The following CTNNA2 variants were observed in gnomAD, a reference collection of about 807,000 sequenced individuals.
CTNNA2 encodes the protein catenin alpha 2.
A neutral mutation model predicts 101.0 loss-of-function variants in CTNNA2; 42 were observed. The observed-to-expected ratio is 0.42, with a 90% confidence interval of 0.32 to 0.54. The LOEUF (loss-of-function observed/expected upper bound fraction) is 0.54, where lower values mean the gene tolerates loss of function less well. CTNNA2 is among the 20% of genes least tolerant of loss of function. CTNNA2 has a pLI of 0.14. For missense variants in CTNNA2, 871 were observed against 1,223.1 expected (o/e 0.71, Z 4.29); for synonymous variants, 450 against 456.4 (o/e 0.99, Z 0.18).
intron 7 of CTNNA2, among the ~76,000 whole-genome samples, chr2:80,020,044 G>A (rs1255235391): frequency 2.0e-5 from 3 of 152,126 alleles, no homozygotes; most frequent in Non-Finnish European, 2.9e-5. Context: ...TAGAGGCACT[G>A]CTCTCCATGC....
In CTNNA2 at chr2:80,393,813, T is replaced by C. The variant is rs529742737; in HGVS notation, c.1137+522T>C. On this transcript the variant is annotated intron_variant, in intron 8 of 18. Transcript: ENST00000402739. ...GGGAAGCAGGGAATAAAATGGCTAATGACATCATTAGTTTGATGGGTCTAT... is the reference window on the plus strand; with the variant it reads ...GGGAAGCAGGGAATAAAATGGCTAACGACATCATTAGTTTGATGGGTCTAT... Among the ~76,000 whole-genome samples the C allele has an allele frequency of 5.9e-5, 9 of 152,326 alleles. No individual in the cohort carries two copies. In the South Asian group the frequency reaches 1.9e-3, roughly 32 times the overall value.
At chr2:80,620,388 C>T (rs1418515166) in intron 18 of CTNNA2, among the ~76,000 whole-genome samples, 2 of 151,768 alleles carry the variant, frequency 1.3e-5, no homozygotes, top group Non-Finnish European at 2.9e-5. Flanking sequence ...AAATCCCTGA[C>T]CCCCAAAGTT....
intron 7 of CTNNA2, among the ~76,000 whole-genome samples, chr2:79,957,266 G>A (rs1404601047): frequency 6.6e-6 from 1 of 152,146 alleles, no homozygotes. Flanking sequence ...TATGCATCTT[G>A]TCCCTCATTC....
intron 8 of CTNNA2, among the ~76,000 whole-genome samples, chr2:80,414,293 G>T (rs1679848445): frequency 6.6e-6 from 1 of 152,186 alleles, no homozygotes; most frequent in African/African-American, 2.4e-5. Context: ...AAGCATTGTA[G>T]CATACTTGCC....
At chr2:79,382,188 C>T (rs1678047136) in intron 4 of CTNNA2, among the ~76,000 whole-genome samples, 1 of 151,912 alleles carries the variant, frequency 6.6e-6, no homozygotes, top group South Asian at 2.1e-4. Flanking sequence ...GGCATCAGTA[C>T]TCCTAGTACT....
intron 3 of CTNNA2, among the ~76,000 whole-genome samples, chr2:79,331,816 G>C (rs1000839599): frequency 1.3e-5 from 2 of 152,156 alleles, no homozygotes; most frequent in Admixed American, 6.6e-5. Context: ...CAGCAAAAAG[G>C]GGGGAAAGCA....
At chr2:79,326,610 A>T (rs2104414352) in intron 3 of CTNNA2, among the ~76,000 whole-genome samples, 1 of 152,286 alleles carries the variant, frequency 6.6e-6, no homozygotes, top group East Asian at 1.9e-4. Flanking sequence ...GAGGTACAAA[A>T]ATTAGACATG....
At chr2:79,315,957 G>C (rs1259485162) in intron 3 of CTNNA2, among the ~76,000 whole-genome samples, 1 of 151,986 alleles carries the variant, frequency 6.6e-6, no homozygotes, top group Non-Finnish European at 1.5e-5. Context: ...TATTTTCACT[G>C]ATGATGTCTT....
At chr2:79,769,300 T>TA (rs1236208675) in intron 3 of CTNNA2, among the ~76,000 whole-genome samples, 1 of 152,162 alleles carries the variant, frequency 6.6e-6, no homozygotes, top group African/African-American at 2.4e-5. Flanking sequence ...TATTTGATCT[T>TA]GAAAAATGGA....
At chr2:79,544,013 G>A (rs532692967) in intron 1 of CTNNA2, among the ~76,000 whole-genome samples, 12 of 151,880 alleles carry the variant, frequency 7.9e-5, no homozygotes, top group African/African-American at 2.4e-4. Flanking sequence ...ATCTCGGGTC[G>A]CTGCAAACCC....
chr2:79,731,260 G>A (rs1267927365), intron 2 of CTNNA2, among the ~76,000 whole-genome samples: 1 of 152,036 alleles, frequency 6.6e-6, no homozygotes, highest in East Asian at 1.9e-4. Context: ...TGAATCTCCT[G>A]TGTTTCAACG....
At position 80,596,279 on chromosome 2, in the gene CTNNA2, G is replaced by GTTTTTTTTTTTTTTTTTTTTT. The variant is rs60132060; in HGVS notation, c.2189+6822_2189+6842dup. ...AGTTTTTTTGGGCTGAGACAAGGTT[G>GTTTTTTTTTTTTTTTTTTTTT]TTTTTTTTTTTTTTTTTTTTTTTTT... is the stretch of plus-strand genomic sequence containing the variant. On this transcript the variant is annotated intron_variant, in intron 15 of 18. Coordinates refer to ENST00000402739, the MANE Select transcript of CTNNA2 (RefSeq NM_001282597.3). Among the ~76,000 whole-genome samples, 5 of 35,324 alleles carry GTTTTTTTTTTTTTTTTTTTTT rather than the reference G, an allele frequency of 1.4e-4. 2 individuals are homozygous for GTTTTTTTTTTTTTTTTTTTTT. Among genetic ancestry groups the GTTTTTTTTTTTTTTTTTTTTT allele is most frequent in the African/African-American group, 2.1e-4 (2 of 9,628 alleles). The allele number at this position is 35,324 out of a possible 152,430, so 23.2% of individuals were successfully genotyped here.
intron 2 of CTNNA2, among the ~76,000 whole-genome samples, chr2:79,734,274 T>C (rs991151419): frequency 6.6e-6 from 1 of 152,104 alleles, no homozygotes; most frequent in African/African-American, 2.4e-5. Flanking sequence ...TGGCTGTAAG[T>C]GTAGACATTG....
intron 9 of CTNNA2, among the ~76,000 whole-genome samples, chr2:80,443,751 T>TAA (rs1180162225): frequency 6.6e-6 from 1 of 152,218 alleles, no homozygotes; most frequent in Non-Finnish European, 1.5e-5. Flanking sequence ...GTCAAGAGCT[T>TAA]AAAGTTAAAA....
At chr2:80,018,652 G>C (rs775432990) in intron 7 of CTNNA2, among the ~76,000 whole-genome samples, 1 of 151,992 alleles carries the variant, frequency 6.6e-6, no homozygotes, top group Non-Finnish European at 1.5e-5. Context: ...GTGGTGGCAC[G>C]TGCCTGTAGT....
chr2:79,671,592 G>A (rs1682844651), intron 2 of CTNNA2, among the ~76,000 whole-genome samples: 1 of 152,196 alleles, frequency 6.6e-6, no homozygotes, highest in African/African-American at 2.4e-5. Context: ...ATTTCTCAAT[G>A]GATTCCTTTT....
At chr2:79,286,214 C>G (rs1430514606) in intron 2 of CTNNA2, among the ~76,000 whole-genome samples, 1 of 152,078 alleles carries the variant, frequency 6.6e-6, no homozygotes, top group Non-Finnish European at 1.5e-5. Context: ...ATCCAATTTG[C>G]CAGTCTGTGT....
intron 4 of CTNNA2, among the ~76,000 whole-genome samples, chr2:79,438,595 A>G (rs1678743885): frequency 6.6e-6 from 1 of 152,148 alleles, no homozygotes; most frequent in Admixed American, 6.6e-5. Flanking sequence ...GGACTCCCCC[A>G]GTTGAGACAA....
chr2:80,626,474 C>G (rs1008575661), intron 18 of CTNNA2, among the ~76,000 whole-genome samples: 1 of 152,126 alleles, frequency 6.6e-6, no homozygotes, highest in African/African-American at 2.4e-5. Flanking sequence ...CTCTGCCCTT[C>G]TTCAGTTTCC....
Sources: gnomAD v4.1 joint callset for allele counts (sites outside exome capture counted in the v4.1 genomes callset) on GRCh38, gnomAD v4.1.1 for gene constraint, MANE v1.5 for transcripts, NCBI Gene and HGNC (gene_info 2026-07-23, HGNC 2026-07-21) for gene names.